The following RFESD variants were observed in gnomAD, a reference collection of about 807,000 sequenced individuals.
RFESD encodes the protein Rieske Fe-S domain containing, also known as Rieske domain-containing protein.
Under a neutral mutation model 24.4 loss-of-function variants are expected in RFESD, and 16 were observed. The observed-to-expected ratio is 0.66, with a 90% CI of 0.44 to 1.00. The LOEUF (loss-of-function observed/expected upper bound fraction) is 1.00, where lower values mean the gene tolerates loss of function less well. Among genes scored for constraint, RFESD ranks in the 50% least tolerant of loss-of-function variants. RFESD has a pLI of 0.00. For missense variants in RFESD, 208 were observed against 247.0 expected (o/e 0.84, Z 1.06); for synonymous variants, 59 against 81.8 (o/e 0.72, Z 1.50).
At chr5:95,649,633 A>G (rs908273713) in intron 1 of RFESD, among the ~76,000 whole-genome samples, 3 of 152,200 alleles carry the variant, frequency 2.0e-5, no homozygotes, top group African/African-American at 7.2e-5. Context: ...AGCCTGGTGG[A>G]TAGAAAATAG....
At chr5:95,653,523 GC>G (rs1437785195) in intron 3 of RFESD, among the ~76,000 whole-genome samples, 1 of 152,208 alleles carries the variant, frequency 6.6e-6, no homozygotes, top group Non-Finnish European at 1.5e-5. Flanking sequence ...TACAACTCTA[GC>G]CTCAGATTGA....
In RFESD at chr5:95,656,307, T is replaced by G. The variant is rs1750760116; in HGVS notation, c.631T>G (p.Ter211GlyextTer1). ...CTTCAAAGTAATTAAGAGTTCTTCCTGATAAAAAATATATAGAAATGAAAA... is the reference window on the plus strand; with the variant it reads ...CTTCAAAGTAATTAAGAGTTCTTCCGGATAAAAAATATATAGAAATGAAAA... ...GDFKVIKSSS[*>G] is the part of the protein sequence containing the mutation. The change falls in exon 6 of 6, where the codon TGA (stop) becomes GGA (glycine). Residue 211 changes from the stop codon to glycine, a stop_lost. Transcript: ENST00000380005. 1 of 1,597,018 alleles carries G rather than the reference T, an allele frequency of 6.3e-7. No individual in the cohort carries two copies. Among genetic ancestry groups the G allele is most frequent in the South Asian group, 1.1e-5 (1 of 88,674 alleles).
rs1435257391 is a variant in RFESD at position 95,652,327 on chromosome 5, T to TC, written c.58dup (p.Gln20ProfsTer38). The TC allele has an allele frequency of 1.3e-6, 2 of 1,550,758 alleles. No homozygotes were observed. Among genetic ancestry groups the TC allele is most frequent in the Admixed American group, 3.9e-5 (2 of 50,996 alleles). On this transcript the variant is annotated frameshift_variant, in exon 2 of 6. Coordinates refer to ENST00000380005, the MANE Select transcript of RFESD (RefSeq NM_001131066.2). LOFTEE classifies it high-confidence loss of function. Reference sequence around the variant, plus strand: ...CCTTCTTCCTTATCTACACTTCCTCTCCAAGTGAGTCCATAGAATTCTATG... The same window carrying TC: ...CCTTCTTCCTTATCTACACTTCCTCTCCCAAGTGAGTCCATAGAATTCTATG...
intron 1 of RFESD, 26 bp from the exon 2 acceptor site, chr5:95,652,111 C>T: frequency 1.2e-6 from 1 of 860,034 alleles, no homozygotes. Flanking sequence ...TTTATGTGGC[C>T]TCATTGCCTG....
At chr5:95,652,966 TTCC>T (rs1750447705) in intron 2 of RFESD, 148 bp from the exon 3 acceptor site, 1 of 1,060,960 alleles carries the variant, frequency 9.4e-7, no homozygotes. Context: ...TTCAGTGGCT[TTCC>T]TTTGCTCTTA....
chr5:95,653,961 C>A, intron 3 of RFESD, 100 bp from the exon 4 acceptor site: 1 of 866,180 alleles, frequency 1.2e-6, no homozygotes, highest in Non-Finnish European at 1.8e-6. Flanking sequence ...CTCCATTAAT[C>A]TTGAAAAGTC....
rs898602295 is a variant in RFESD at position 95,650,966 on chromosome 5, C to T, written c.-135-1171C>T. ...ACAAAAAATTATCCGGGTGTGGTGG[C>T]GGGCGCCTGTAGTCCCAGCTACTTG... On this transcript the variant is annotated intron_variant, in intron 1 of 5. Transcript: ENST00000380005. Among the ~76,000 whole-genome samples, 6 of 151,980 alleles carry T rather than the reference C, an allele frequency of 3.9e-5. No homozygotes were observed. The South Asian group carries it at 1.0e-3, about 26-fold the overall frequency.
intron 1 of RFESD, among the ~76,000 whole-genome samples, chr5:95,649,075 C>A (rs986419532): frequency 5.3e-5 from 8 of 151,590 alleles, no homozygotes; most frequent in Non-Finnish European, 7.4e-5. Context: ...GGTTTGGGGT[C>A]ATTTGCTACA....
intron 5 of RFESD, among the ~76,000 whole-genome samples, chr5:95,655,180 A>G (rs1247341472): frequency 2.0e-5 from 3 of 152,076 alleles, no homozygotes; most frequent in Non-Finnish European, 4.4e-5. Context: ...ATTTTTTCCC[A>G]TTGTCCAAAC....
In RFESD at chr5:95,654,282, T is replaced by A. The variant is rs755106242; in HGVS notation, c.334+46T>A. 8.5e-5 allele frequency: 136 copies of A among 1,608,614 alleles called. No individual in the cohort carries two copies. The Middle Eastern group carries it at 4.3e-3, about 51-fold the overall frequency. ...TGTAAAACTTTAAACCATGAAACTA[T>A]CAAAATTTCAGTTTTTTAGTGACTG... On this transcript the variant is annotated intron_variant, in intron 4 of 5. Transcript: ENST00000380005.
rs1293930674 is a variant in RFESD, at chr5:95,656,649, T to A, written c.*340T>A. On this transcript the variant is annotated 3_prime_UTR_variant, in exon 6 of 6. Coordinates refer to ENST00000380005, the MANE Select transcript of RFESD (RefSeq NM_001131066.2). ...GAAAAAATTTTTTAATTTAAAAAAT[T>A]TAATTTTTAAAATAGGAAAAAATCC... The A allele has an allele frequency of 1.2e-5, 2 of 162,116 alleles. No homozygotes were observed. The highest frequency in any genetic ancestry group is 2.7e-5 in the Non-Finnish European group (2 of 75,032). 10.0% of individuals were successfully genotyped at this position (162,116 alleles called of 1,614,324 possible). A position where few individuals can be genotyped will look rare whatever the true frequency, so the allele number is the denominator to read the frequency against.
intron 5 of RFESD, among the ~76,000 whole-genome samples, chr5:95,654,737 A>G (rs1386342952): frequency 6.6e-6 from 1 of 152,188 alleles, no homozygotes; most frequent in Non-Finnish European, 1.5e-5. Flanking sequence ...AGGCAGATCT[A>G]TATGGGTATG....
chr5:95,653,641 G>A (rs535279149), intron 3 of RFESD, among the ~76,000 whole-genome samples: 1 of 152,338 alleles, frequency 6.6e-6, no homozygotes, highest in East Asian at 1.9e-4. Context: ...GCTCACGCCT[G>A]TAATCCCAGC....
rs1750834902 is a variant in RFESD at position 95,657,556 on chromosome 5, A to C, written c.*1247A>C. 1 of 152,136 alleles carries C rather than the reference A, an allele frequency of 6.6e-6. No homozygotes were observed. Among genetic ancestry groups the C allele is most frequent in the African/African-American group, 2.4e-5 (1 of 41,430 alleles). 9.4% of individuals were successfully genotyped at this position (152,136 alleles called of 1,614,324 possible). A position where few individuals can be genotyped will look rare whatever the true frequency, so the allele number is the denominator to read the frequency against. ...GGAATAGAATTAAGAATCTAAATCTAATACTTAACATTCTAAGGAGCCGAC... is the reference window on the plus strand; with the variant it reads ...GGAATAGAATTAAGAATCTAAATCTCATACTTAACATTCTAAGGAGCCGAC... On this transcript the variant is annotated 3_prime_UTR_variant, in exon 6 of 6. Coordinates refer to ENST00000380005, the MANE Select transcript of RFESD (RefSeq NM_001131066.2).
chr5:95,652,904 C>T (rs1057398758), intron 2 of RFESD: 41 of 593,654 alleles, frequency 6.9e-5, no homozygotes, highest in Admixed American at 5.7e-4. Context: ...TCCACAGAGC[C>T]GGGAGCATTC....
intron 2 of RFESD, chr5:95,652,677 G>A: frequency 4.1e-6 from 1 of 242,990 alleles, no homozygotes; most frequent in Non-Finnish European, 7.9e-6. Flanking sequence ...TACCTTTTTA[G>A]TAACATGGAG....
At chr5:95,649,307 T>C (rs1435665298) in intron 1 of RFESD, among the ~76,000 whole-genome samples, 1 of 152,338 alleles carries the variant, frequency 6.6e-6, no homozygotes, top group East Asian at 1.9e-4. Context: ...AATTTTTCAC[T>C]TGCAATTATG....
chr5:95,653,195 G>A lies in RFESD; in HGVS notation c.139G>A (p.Val47Met). 6.4e-7 allele frequency: 1 copy of A among 1,551,702 alleles called. No individual in the cohort carries two copies. Among genetic ancestry groups the A allele is most frequent in the Non-Finnish European group, 8.7e-7 (1 of 1,146,988 alleles). Reference sequence around the variant, plus strand: ...GCATTTCAGCTCAGCTGTCATCTCAGTGACCAGTTTTTATCTGAGGTAAGA... The same window carrying A: ...GCATTTCAGCTCAGCTGTCATCTCAATGACCAGTTTTTATCTGAGGTAAGA... ...FGHFSSAVIS[V>M]TSFYLSMNLD... The change falls in exon 3 of 6, where the codon GTG becomes ATG. Residue 47 changes from valine to methionine, a missense_variant. Coordinates refer to ENST00000380005, the MANE Select transcript of RFESD (RefSeq NM_001131066.2).
Position 95,652,186 on chromosome 5 carries a change from T to C in RFESD, c.-86T>C, listed in dbSNP as rs1232136153. The C allele has an allele frequency of 4.1e-6, 6 of 1,467,268 alleles. No individual in the cohort carries two copies. The highest frequency in any genetic ancestry group is 2.2e-5 in the Admixed American group (1 of 45,568). The allele number at this position is 1,467,268 out of a possible 1,614,324, so 90.9% of individuals were successfully genotyped here. On this transcript the variant is annotated 5_prime_UTR_variant, in exon 2 of 6. Coordinates refer to ENST00000380005, the MANE Select transcript of RFESD (RefSeq NM_001131066.2). ...GAGAATATAAGACAGAGAAGAAAGC[T>C]GTGAATGAATTTCATTTGATTAGCA...
Sources: gnomAD v4.1 joint callset for allele counts (sites outside exome capture counted in the v4.1 genomes callset) on GRCh38, gnomAD v4.1.1 for gene constraint, MANE v1.5 for transcripts, NCBI Gene and HGNC (gene_info 2026-07-23, HGNC 2026-07-21) for gene names.